POC1B: variants seen among roughly 807,000 people sequenced by gnomAD.
The protein encoded by POC1B is POC1 centriolar protein homolog B.
POC1B carries 44 observed loss-of-function variants against 60.6 expected under a neutral mutation model. That is an observed-to-expected ratio of 0.73 (90% CI 0.57 to 0.93). POC1B has a LOEUF of 0.93. POC1B is among the 40% of genes least tolerant of loss of function. The pLI, the probability that POC1B is intolerant of heterozygous loss-of-function variation, is 0.00. For synonymous variants in POC1B, 180 were observed against 198.9 expected, an observed-to-expected ratio of 0.90 and a Z score of 0.80; for missense variants, 555 against 572.3, an observed-to-expected ratio of 0.97 and a Z score of 0.31.
chr12:89,520,671 T>A (rs1046897307), intron 2 of POC1B: 1 of 152,224 alleles, frequency 6.6e-6, no homozygotes, highest in African/African-American at 2.4e-5. Context: ...AGCAATTTTA[T>A]TTTTTGAAAT....
chr12:89,471,661 A>G lies in POC1B; in HGVS notation c.629T>C (p.Val210Ala). Residue 210 changes from valine (V) to alanine (A), a missense_variant, in exon 6 of 12, where the codon GTG (valine) becomes GCG (alanine). Transcript: ENST00000313546. ...GTTCACTCTTACATCCCAGACTTTCACAGTTTGATCAGAACCTGCTGAAGC... is the reference window on the plus strand; with the variant it reads ...GTTCACTCTTACATCCCAGACTTTCGCAGTTTGATCAGAACCTGCTGAAGC... ...CIASAGSDQTVKVWDVRVNKL... is the reference protein window; with the variant it reads ...CIASAGSDQTAKVWDVRVNKL... The G allele has an allele frequency of 6.2e-7, 1 of 1,611,670 alleles. No individual in the cohort carries two copies. Among genetic ancestry groups the G allele is most frequent in the South Asian group, 1.1e-5 (1 of 90,732 alleles).
downstream of POC1B, among the ~76,000 whole-genome samples, chr12:89,416,473 G>A (rs972815407): frequency 1.3e-5 from 2 of 152,206 alleles, no homozygotes; most frequent in African/African-American, 4.8e-5. Flanking sequence ...TAGAAAAGGA[G>A]GCATGCTCGG....
chr12:89,494,872 A>G (rs1038324184), intron 3 of POC1B, among the ~76,000 whole-genome samples: 1 of 152,176 alleles, frequency 6.6e-6, no homozygotes, highest in Non-Finnish European at 1.5e-5. Context: ...TGCATGTGTA[A>G]TCTCAGCCTG....
chr12:89,463,889 A>G (rs1260727861), intron 9 of POC1B, among the ~76,000 whole-genome samples: 2 of 152,162 alleles, frequency 1.3e-5, no homozygotes, highest in African/African-American at 4.8e-5. Flanking sequence ...CCACCTTCAA[A>G]CAAGTGAAGC....
the POC1B span, among the ~76,000 whole-genome samples, chr12:89,410,773 C>T: frequency 6.6e-6 from 1 of 151,884 alleles, no homozygotes; most frequent in African/African-American, 2.4e-5. Context: ...CTGGCCAAGG[C>T]AATCAGTCAA....
intron 4 of POC1B, among the ~76,000 whole-genome samples, chr12:89,485,098 A>C (rs561651380): frequency 6.6e-6 from 1 of 152,320 alleles, no homozygotes; most frequent in Non-Finnish European, 1.5e-5. Context: ...CTGGCATCTG[A>C]CTTATGTTTC....
chr12:89,415,005 T>A (rs1299706858), downstream of POC1B, among the ~76,000 whole-genome samples: 1 of 152,228 alleles, frequency 6.6e-6, no homozygotes, highest in Non-Finnish European at 1.5e-5. Context: ...TTTTTCTTAA[T>A]GACATTTACT....
chr12:89,501,826 A>C (rs1008641029), intron 2 of POC1B: 1 of 1,196,574 alleles, frequency 8.4e-7, no homozygotes. Context: ...TGGGAAAAAA[A>C]CTATTCCACT....
At chr12:89,456,006 T>TTTTTTG (rs1555181522) in intron 10 of POC1B, among the ~76,000 whole-genome samples, 20 of 148,316 alleles carry the variant, frequency 1.3e-4, no homozygotes, top group African/African-American at 3.7e-4. Flanking sequence ...AAAACTCTTT[T>TTTTTTG]TTGTTGTTGT....
intron 2 of POC1B, chr12:89,500,524 T>C: frequency 1.2e-6 from 2 of 1,605,576 alleles, no homozygotes; most frequent in Non-Finnish European, 1.7e-6. Context: ...TAAATGATCA[T>C]CACAGTGAAG....
intron 2 of POC1B, among the ~76,000 whole-genome samples, chr12:89,510,140 C>T (rs1369609915): frequency 6.6e-6 from 1 of 152,154 alleles, no homozygotes; most frequent in African/African-American, 2.4e-5. Context: ...TGAGTCACCA[C>T]GCCCAGCCTG....
At chr12:89,466,748 C>G (rs1882697193) in intron 9 of POC1B, 22 bp downstream of exon 9, 1 of 1,589,556 alleles carries the variant, frequency 6.3e-7, no homozygotes, top group Non-Finnish European at 8.6e-7. Context: ...AAATGTAGGA[C>G]AAATATGAAC....
intron 2 of POC1B, chr12:89,522,822 A>C (rs751077687): frequency 1.3e-6 from 2 of 1,580,346 alleles, no homozygotes; most frequent in Non-Finnish European, 1.7e-6. Context: ...TCTATTTCTC[A>C]AAACTCCAAA....
At chr12:89,452,620 A>G (rs914838219) in intron 10 of POC1B, among the ~76,000 whole-genome samples, 1 of 152,118 alleles carries the variant, frequency 6.6e-6, no homozygotes, top group Admixed American at 6.5e-5. Context: ...TCAAATTAGC[A>G]TATTTGTCAG....
the POC1B span, among the ~76,000 whole-genome samples, chr12:89,404,792 C>T: frequency 6.6e-6 from 1 of 152,156 alleles, no homozygotes; most frequent in African/African-American, 2.4e-5. Context: ...AGTCCCTAAT[C>T]CAGGAACCCA....
chr12:89,519,139 C>T (rs1870639404), intron 2 of POC1B, among the ~76,000 whole-genome samples: 1 of 152,296 alleles, frequency 6.6e-6, no homozygotes, highest in South Asian at 2.1e-4. Context: ...GTGCCCATTG[C>T]TTCCTTTTAT....
chr12:89,443,362 A>G (rs1881617423), intron 10 of POC1B, among the ~76,000 whole-genome samples: 1 of 152,214 alleles, frequency 6.6e-6, no homozygotes, highest in Non-Finnish European at 1.5e-5. Context: ...AGTAAAGCAC[A>G]ACTCAGCAAA....
rs573482093 is a variant in POC1B, at chr12:89,456,878, G to A, written c.1113+2760C>T. 2.6e-5 allele frequency among the ~76,000 whole-genome samples: 4 copies of A among 152,206 alleles called. No individual in the cohort carries two copies. The South Asian group carries it at 8.3e-4, about 32-fold the overall frequency. Reference sequence around the variant, plus strand: ...CTTCCTGAATATAATATTAAATCAAGTGAAAGTAGAAATAGAGGCCAACTA... The same window carrying A: ...CTTCCTGAATATAATATTAAATCAAATGAAAGTAGAAATAGAGGCCAACTA... On this transcript the variant is annotated intron_variant, in intron 10 of 11. Transcript: ENST00000313546.
At chr12:89,459,409 A>T (rs1025803096) in intron 10 of POC1B, among the ~76,000 whole-genome samples, 30 of 40,858 alleles carry the variant, frequency 7.3e-4, no homozygotes, top group African/African-American at 3.2e-3. Context: ...TTAAAGTATA[A>T]AAAAAAAAAA....
Sources: gnomAD v4.1 joint callset for allele counts (sites outside exome capture counted in the v4.1 genomes callset) on GRCh38, gnomAD v4.1.1 for gene constraint, MANE v1.5 for transcripts, NCBI Gene and HGNC (gene_info 2026-07-23, HGNC 2026-07-21) for gene names.